Variants in TDG observed in about 807,000 individuals in gnomAD.
TDG encodes the protein G/T mismatch-specific thymine DNA glycosylase.
TDG carries 23 observed loss-of-function variants against 46.1 expected under a neutral mutation model. That is an observed-to-expected ratio of 0.50 (90% confidence interval 0.36 to 0.71). The LOEUF is 0.71. TDG is among the 30% of genes least tolerant of loss of function. The pLI is 0.00. For missense variants in TDG, 304 were observed against 486.7 expected (o/e 0.62, Z 3.53); for synonymous variants, 115 against 161.3 (o/e 0.71, Z 2.18).
intron 7 of TDG, among the ~76,000 whole-genome samples, chr12:103,984,087 T>C (rs886188072): frequency 6.6e-6 from 1 of 152,248 alleles, no homozygotes; most frequent in African/African-American, 2.4e-5. Flanking sequence ...AACCTAAAAA[T>C]GTTTCTGCCA....
chr12:103,983,022 C>G (rs755419577), intron 5 of TDG, 88 bp downstream of exon 5: 1 of 1,579,048 alleles, frequency 6.3e-7, no homozygotes, highest in Non-Finnish European at 8.6e-7. Context: ...GTATCTAGTT[C>G]AAGCTGAGCT....
chr12:103,986,884 C>T (rs1872178708), intron 9 of TDG, 64 bp from the exon 10 acceptor site: 3 of 1,572,654 alleles, frequency 1.9e-6, no homozygotes, highest in Admixed American at 3.4e-5. Flanking sequence ...GACCCAGTCT[C>T]TACTTTAAAA....
At chr12:103,974,856 T>C (rs1871451552) in intron 1 of TDG, among the ~76,000 whole-genome samples, 1 of 151,124 alleles carries the variant, frequency 6.6e-6, no homozygotes, top group Non-Finnish European at 1.5e-5. Flanking sequence ...GCGCCTGTAG[T>C]CCCAGCTACT....
At chr12:103,983,564 A>G (rs1489585778) in intron 7 of TDG, among the ~76,000 whole-genome samples, 175 bp downstream of exon 7, 1 of 152,228 alleles carries the variant, frequency 6.6e-6, no homozygotes, top group Non-Finnish European at 1.5e-5. Flanking sequence ...TTCAAATACT[A>G]TTAGGGTTTA....
chr12:103,975,317 A>C (rs1871483017), intron 1 of TDG, among the ~76,000 whole-genome samples: 1 of 152,198 alleles, frequency 6.6e-6, no homozygotes, highest in Non-Finnish European at 1.5e-5. Context: ...CATAAATTCA[A>C]CACATGTTTA....
intron 1 of TDG, among the ~76,000 whole-genome samples, chr12:103,966,996 A>G (rs1871066538): frequency 6.6e-6 from 1 of 152,180 alleles, no homozygotes; most frequent in Non-Finnish European, 1.5e-5. Flanking sequence ...AGGAAAAGAG[A>G]TATATGTAGA....
At chr12:103,976,405 T>TCC (rs1012196700) in intron 1 of TDG, among the ~76,000 whole-genome samples, 6 of 134,434 alleles carry the variant, frequency 4.5e-5, no homozygotes, top group Non-Finnish European at 9.2e-5. Context: ...AGACCCTGTC[T>TCC]CCCCACACAC....
intron 1 of TDG, among the ~76,000 whole-genome samples, chr12:103,976,396 G>A (rs191619104): frequency 1.5e-3 from 213 of 145,578 alleles, no homozygotes; most frequent in Non-Finnish European, 2.7e-3. Context: ...GACAGAGGGA[G>A]ACCCTGTCTC....
At chr12:103,971,902 A>G (rs935768872) in intron 1 of TDG, among the ~76,000 whole-genome samples, 1 of 152,244 alleles carries the variant, frequency 6.6e-6, no homozygotes, top group Non-Finnish European at 1.5e-5. Context: ...TGGTGAGGGA[A>G]TGGATACCCC....
intron 2 of TDG, among the ~76,000 whole-genome samples, chr12:103,978,016 T>G (rs1302233512): frequency 6.6e-6 from 1 of 152,064 alleles, no homozygotes; most frequent in Admixed American, 6.6e-5. Context: ...GAGCCAAGAT[T>G]GCACCACTGC....
intron 1 of TDG, among the ~76,000 whole-genome samples, chr12:103,976,481 AAG>A (rs1262784022): frequency 6.6e-6 from 1 of 151,842 alleles, no homozygotes. Context: ...AATAAACTAA[AAG>A]AGAATCTTAA....
Position 103,983,147 on chromosome 12 carries a change from G to A in TDG, c.626G>A (p.Arg209His), listed in dbSNP as rs781050013. 18 of 1,602,890 alleles carry A rather than the reference G, an allele frequency of 1.1e-5. No homozygotes were observed. Among genetic ancestry groups the A allele is most frequent in the African/African-American group, 4.0e-5 (3 of 74,502 alleles). ...GSKDLSSKEF[R>H]EGGRILVQKL... ...TAATTCAATTTTAGTAAAGAATTTCGTGAAGGAGGACGTATTCTAGTACAG... is the reference window on the plus strand; with the variant it reads ...TAATTCAATTTTAGTAAAGAATTTCATGAAGGAGGACGTATTCTAGTACAG... Residue 209 changes from arginine (R) to histidine (H), a missense_variant, in exon 6 of 10, where the codon CGT becomes CAT. Coordinates refer to ENST00000392872, the MANE Select transcript of TDG (RefSeq NM_003211.6).
At chr12:103,969,647 C>T (rs541142043) in intron 1 of TDG, among the ~76,000 whole-genome samples, 1 of 152,262 alleles carries the variant, frequency 6.6e-6, no homozygotes, top group Admixed American at 6.5e-5. Context: ...GAGGCACAAT[C>T]CTATACTCAG....
At chr12:103,978,621 G>A (rs1202579103) in intron 2 of TDG, among the ~76,000 whole-genome samples, 2 of 152,202 alleles carry the variant, frequency 1.3e-5, no homozygotes, top group Non-Finnish European at 2.9e-5. Flanking sequence ...CTTGATTGGG[G>A]AAACGCCAAA....
At chr12:103,981,881 G>A (rs1871854976) in intron 4 of TDG, among the ~76,000 whole-genome samples, 1 of 152,130 alleles carries the variant, frequency 6.6e-6, no homozygotes, top group Non-Finnish European at 1.5e-5. Flanking sequence ...GAGTGCTGTG[G>A]TGCACACCTG....
chr12:103,977,202 T>G (rs1871584747), intron 2 of TDG, 142 bp downstream of exon 2: 1 of 1,176,060 alleles, frequency 8.5e-7, no homozygotes, highest in Non-Finnish European at 1.2e-6. Context: ...TGCTAAGCAC[T>G]GATAGGTTCT....
At chr12:103,983,110 T>C (rs2136241497) in intron 5 of TDG, 26 bp from the exon 6 acceptor site, 1 of 1,560,208 alleles carries the variant, frequency 6.4e-7, no homozygotes, top group East Asian at 2.3e-5. Flanking sequence ...ATTTATATTT[T>C]TGACTACTTT....
chr12:103,967,188 T>G (rs1871079721), intron 1 of TDG, among the ~76,000 whole-genome samples: 1 of 152,218 alleles, frequency 6.6e-6, no homozygotes, highest in Non-Finnish European at 1.5e-5. Context: ...ATTGTAAGAC[T>G]TTATTCAGGG....
intron 1 of TDG, chr12:103,973,177 T>A: frequency 1.6e-6 from 1 of 616,148 alleles, no homozygotes; most frequent in East Asian, 2.9e-5. Context: ...CTCCACCTCC[T>A]GGGTTCAAGC....
Sources: allele counts gnomAD v4.1 joint callset (sites outside exome capture counted in the v4.1 genomes callset), GRCh38; gene constraint gnomAD v4.1.1; transcripts MANE v1.5; gene names NCBI Gene and HGNC (gene_info 2026-07-23, HGNC 2026-07-21).